ABHD6: variants seen among roughly 807,000 people sequenced by gnomAD.
ABHD6 encodes monoacylglycerol lipase ABHD6.
Under a neutral mutation model 38.8 loss-of-function variants are expected in ABHD6, and 33 were observed. The observed-to-expected ratio is 0.85, with a 90% CI of 0.64 to 1.14. ABHD6 has a LOEUF of 1.14. ABHD6 is among the 50% of genes most tolerant of loss of function. The pLI is 0.00. For missense variants in ABHD6, 380 were observed against 422.6 expected (o/e 0.90, Z 0.88); for synonymous variants, 147 against 161.6 (o/e 0.91, Z 0.69).
Position 58,285,402 on chromosome 3 carries a change from C to T in ABHD6, c.786C>T (p.Asn262=), listed in dbSNP as rs1248651575. 4 of 1,614,130 alleles carry T rather than the reference C, an allele frequency of 2.5e-6. No homozygotes were observed. The Admixed American group carries it at 5.0e-5, about 20-fold the overall frequency. Residue 262 remains asparagine (N), a synonymous_variant, in exon 9 of 10, where the codon AAC becomes AAT. Transcript: ENST00000478253. This position sits in a 1 kb window ranked among gnomAD's most constrained non-coding sequence, Gnocchi z 4.9. ...SEKSRYSLHQ[N]MDKIKVPTQI... ...AGTCCAGATACTCTCTCCATCAGAA[C>T]ATGGACAAGATCAAGGTTCCGACGC...
rs1351175691 is a variant in ABHD6 at position 58,266,811 on chromosome 3, T to C, written c.120-378T>C. ...GCTTTCAACCAGCTGCCATATGTTA[T>C]GAGGAACAAAGCCAGAGGACCAGTG... On this transcript the variant is annotated intron_variant, in intron 3 of 9. Transcript: ENST00000478253. The surrounding 1 kb of genome is among the most constrained non-coding windows in gnomAD (Gnocchi z 4.0). Among the ~76,000 whole-genome samples, 2 of 152,248 alleles carry C rather than the reference T, an allele frequency of 1.3e-5. No homozygotes were observed. Among genetic ancestry groups the C allele is most frequent in the Non-Finnish European group, 2.9e-5 (2 of 68,048 alleles).
chr3:58,285,511 C>A lies in ABHD6; in HGVS notation c.837+58C>A. 3 of 1,433,622 alleles carry A rather than the reference C, an allele frequency of 2.1e-6. No individual in the cohort carries two copies. The highest frequency in any genetic ancestry group is 1.1e-5 in the South Asian group (1 of 86,998). 88.8% of individuals were successfully genotyped at this position (1,433,622 alleles called of 1,614,324 possible). A position where few individuals can be genotyped will look rare whatever the true frequency, so the allele number is the denominator to read the frequency against. ...GGTCACCAGGGCCTCTGAGGAAAAA[C>A]GTCCTTGAGGAAGAACAAGTGGTTA... On this transcript the variant is annotated intron_variant, in intron 9 of 9. Coordinates refer to ENST00000478253, the MANE Select transcript of ABHD6 (RefSeq NM_001320126.2). This position sits in a 1 kb window ranked among gnomAD's most constrained non-coding sequence, Gnocchi z 4.9.
At chr3:58,279,610 T>C (rs1318468115) in intron 7 of ABHD6, among the ~76,000 whole-genome samples, 4 of 152,212 alleles carry the variant, frequency 2.6e-5, no homozygotes, top group African/African-American at 9.6e-5. Context: ...AATATTGTTA[T>C]GTGTGAATTT....
chr3:58,289,732 T>C (rs1452180429), intron 9 of ABHD6, among the ~76,000 whole-genome samples: 1 of 152,246 alleles, frequency 6.6e-6, no homozygotes, highest in East Asian at 1.9e-4. Flanking sequence ...TCATGGCCTA[T>C]TCTCAATGAG....
In ABHD6 at chr3:58,278,950, ACTGTGGT is replaced by A. The variant is rs372378951; in HGVS notation, c.681+4139_681+4145del. ...TAATCCTGAGCTCTAATTTGATCGC[ACTGTGGT>A]CTGAGAGACAGTTTGTTGTGATTTC... is the stretch of plus-strand genomic sequence containing the variant. On this transcript the variant is annotated intron_variant, in intron 7 of 9. Coordinates refer to ENST00000478253, the MANE Select transcript of ABHD6 (RefSeq NM_001320126.2). Among the ~76,000 whole-genome samples the A allele has an allele frequency of 2.1e-3, 317 of 152,330 alleles. No homozygotes were observed. The Middle Eastern group carries it at 0.041, about 20-fold the overall frequency.
chr3:58,249,348 TG>T (rs1225173617), intron 1 of ABHD6, among the ~76,000 whole-genome samples: 1 of 152,228 alleles, frequency 6.6e-6, no homozygotes, highest in Non-Finnish European at 1.5e-5. Context: ...GGGGTTTTTC[TG>T]GTTTCATTTC....
Position 58,259,022 on chromosome 3 carries a change from G to A in ABHD6, c.119+2317G>A, listed in dbSNP as rs770805492. On this transcript the variant is annotated intron_variant, in intron 3 of 9. Transcript: ENST00000478253. This position sits in a 1 kb window ranked among gnomAD's most constrained non-coding sequence, Gnocchi z 4.7. ...CCTGACATGGAGAAGGCAGAGTTGC[G>A]TGCCCCTTCTCATGGCCTCGTCAAG... 1.1e-4 allele frequency among the ~76,000 whole-genome samples: 16 copies of A among 152,142 alleles called. No homozygotes were observed. Among genetic ancestry groups the A allele is most frequent in the African/African-American group, 3.1e-4 (13 of 41,424 alleles).
intron 1 of ABHD6, among the ~76,000 whole-genome samples, chr3:58,239,773 A>G (rs150151526): frequency 3.0e-4 from 46 of 152,172 alleles, no homozygotes; most frequent in African/African-American, 8.9e-4. Context: ...GGTTTGCAGT[A>G]TGCGTTGGGT....
chr3:58,239,870 G>A (rs1311261765), intron 1 of ABHD6, among the ~76,000 whole-genome samples: 1 of 151,730 alleles, frequency 6.6e-6, no homozygotes, highest in Non-Finnish European at 1.5e-5. Context: ...GTTTTGTCTC[G>A]GTGTGGTGGG....
rs1449655458 is a variant in ABHD6 at position 58,238,347 on chromosome 3, T to G, written c.-91+431T>G. ...CTCGCCCACCCAGATAGCATCTTGC[T>G]CCGTGTCACGCGCCGCCTCCGCGCC... On this transcript the variant is annotated intron_variant, in intron 1 of 9. Coordinates refer to ENST00000478253, the MANE Select transcript of ABHD6 (RefSeq NM_001320126.2). This position sits in a 1 kb window ranked among gnomAD's most constrained non-coding sequence, Gnocchi z 6.9. 6.6e-6 allele frequency: 1 copy of G among 152,386 alleles called. No individual in the cohort carries two copies. Among genetic ancestry groups the G allele is most frequent in the Admixed American group, 6.6e-5 (1 of 15,258 alleles). 9.4% of individuals were successfully genotyped at this position (152,386 alleles called of 1,614,324 possible).
At chr3:58,247,495 G>T (rs187725079) in intron 1 of ABHD6, among the ~76,000 whole-genome samples, 3 of 152,290 alleles carry the variant, frequency 2.0e-5, no homozygotes, top group Admixed American at 2.0e-4. Context: ...AGCCACATGT[G>T]ACTAGTGGCT....
At chr3:58,286,857 T>TGC in intron 9 of ABHD6, among the ~76,000 whole-genome samples, 1 of 123,152 alleles carries the variant, frequency 8.1e-6, no homozygotes, top group Non-Finnish European at 1.7e-5. Flanking sequence ...TGTGTGTATA[T>TGC]ATATATATAT....
intron 1 of ABHD6, among the ~76,000 whole-genome samples, chr3:58,242,084 G>A (rs1437848507): frequency 6.6e-6 from 1 of 152,196 alleles, no homozygotes; most frequent in Non-Finnish European, 1.5e-5. Context: ...AGCTCGCCAG[G>A]CGAGAGGGAG....
chr3:58,240,101 G>T (rs986640481), intron 1 of ABHD6, among the ~76,000 whole-genome samples: 1 of 151,912 alleles, frequency 6.6e-6, no homozygotes, highest in Non-Finnish European at 1.5e-5. Context: ...GCAGTGAGCT[G>T]AGATTGCTCC....
At chr3:58,246,602 G>T (rs1360925962) in intron 1 of ABHD6, among the ~76,000 whole-genome samples, 1 of 152,154 alleles carries the variant, frequency 6.6e-6, no homozygotes. Flanking sequence ...TGTGGGCTGG[G>T]CTGGTTCTTT....
intron 9 of ABHD6, among the ~76,000 whole-genome samples, chr3:58,286,289 G>A (rs2097456946): frequency 6.6e-6 from 1 of 151,958 alleles, no homozygotes; most frequent in Non-Finnish European, 1.5e-5. Flanking sequence ...AAAGTGTTGG[G>A]ATTACAGGCG....
At chr3:58,278,407 T>C (rs2097450441) in intron 7 of ABHD6, among the ~76,000 whole-genome samples, 1 of 152,250 alleles carries the variant, frequency 6.6e-6, no homozygotes, top group Non-Finnish European at 1.5e-5. Context: ...TATAGTATTC[T>C]CTGATGGTAG....
At chr3:58,288,641 T>G (rs1311156386) in intron 9 of ABHD6, among the ~76,000 whole-genome samples, 1 of 152,130 alleles carries the variant, frequency 6.6e-6, no homozygotes, top group Non-Finnish European at 1.5e-5. Flanking sequence ...TTAAGCCAGT[T>G]AACAGGCATT....
chr3:58,286,864 A>ATG (rs2097457698), intron 9 of ABHD6, among the ~76,000 whole-genome samples: 2 of 121,998 alleles, frequency 1.6e-5, no homozygotes, highest in Admixed American at 8.6e-5. Flanking sequence ...ATATATATAT[A>ATG]TATATGTATA....
Sources: allele counts gnomAD v4.1 joint callset (sites outside exome capture counted in the v4.1 genomes callset), GRCh38; gene constraint gnomAD v4.1.1; non-coding constraint Gnocchi (gnomAD v3.1); transcripts MANE v1.5; gene names NCBI Gene and HGNC (gene_info 2026-07-23, HGNC 2026-07-21).